The following PHF20 variants were observed in gnomAD, a reference collection of about 807,000 sequenced individuals.
PHF20 encodes the protein glioma-expressed antigen 2.
PHF20 carries 23 observed loss-of-function variants against 113.5 expected under a neutral mutation model. The observed-to-expected ratio is 0.20, with a 90% CI of 0.15 to 0.29. PHF20 has a LOEUF of 0.29. PHF20 is among the 10% of genes least tolerant of loss of function. The pLI is 1.00. For missense variants in PHF20, 943 were observed against 1,219.6 expected, an observed-to-expected ratio of 0.77 and a Z score of 3.38; for synonymous variants, 434 against 457.3, an observed-to-expected ratio of 0.95 and a Z score of 0.65.
chr20:35,934,717 A>T (rs1378381115), intron 15 of PHF20, among the ~76,000 whole-genome samples: 2 of 142,432 alleles, frequency 1.4e-5, no homozygotes, highest in Non-Finnish European at 3.0e-5. Flanking sequence ...GGCCCTGCTT[A>T]TACTTAGAAG....
intron 6 of PHF20, among the ~76,000 whole-genome samples, chr20:35,864,516 A>G (rs935602840): frequency 6.6e-6 from 1 of 152,172 alleles, no homozygotes; most frequent in Non-Finnish European, 1.5e-5. Context: ...AACGATGTAG[A>G]GAATGCAAAG....
At chr20:35,786,441 T>C (rs1056080996) in intron 1 of PHF20, among the ~76,000 whole-genome samples, 6 of 148,862 alleles carry the variant, frequency 4.0e-5, no homozygotes, top group African/African-American at 1.5e-4. Context: ...CAGTGGCTCA[T>C]GCCTGTCATC....
At chr20:35,830,898 C>T (rs898375396) in intron 2 of PHF20, among the ~76,000 whole-genome samples, 1 of 152,164 alleles carries the variant, frequency 6.6e-6, no homozygotes, top group Non-Finnish European at 1.5e-5. Context: ...TGTCCTGCTG[C>T]AGTGCTTTTT....
chr20:35,776,190 C>T (rs1336878174), intron 1 of PHF20, among the ~76,000 whole-genome samples: 1 of 152,182 alleles, frequency 6.6e-6, no homozygotes, highest in Non-Finnish European at 1.5e-5. Context: ...ATAAATACTG[C>T]ATAGCCAGCT....
At chr20:35,787,716 C>T (rs554544291) in intron 1 of PHF20, among the ~76,000 whole-genome samples, 5 of 150,134 alleles carry the variant, frequency 3.3e-5, no homozygotes, top group Admixed American at 1.3e-4. Context: ...CGCTCTGTGC[C>T]CACCTCTGCC....
chr20:35,834,151 G>A (rs1437195263), intron 2 of PHF20, among the ~76,000 whole-genome samples: 1 of 151,876 alleles, frequency 6.6e-6, no homozygotes, highest in African/African-American at 2.4e-5. Context: ...AACCCAGACT[G>A]TCCAGCCTGG....
chr20:35,867,860 TTC>T (rs112894341), intron 6 of PHF20, among the ~76,000 whole-genome samples: 11,545 of 152,028 alleles, frequency 0.076, 678 homozygotes, highest in South Asian at 0.2. Context: ...CTCCTTCCTC[TTC>T]TCTCTCCTCC....
At chr20:35,820,610 G>A (rs369137343) in intron 2 of PHF20, among the ~76,000 whole-genome samples, 3 of 151,738 alleles carry the variant, frequency 2.0e-5, no homozygotes, top group African/African-American at 7.3e-5. Flanking sequence ...CACCATGCCC[G>A]GCTAATTTTT....
intron 2 of PHF20, among the ~76,000 whole-genome samples, chr20:35,815,516 G>C (rs1218268616): frequency 6.6e-6 from 1 of 152,044 alleles, no homozygotes; most frequent in Non-Finnish European, 1.5e-5. Context: ...CCAGGCTGGA[G>C]TGTAGCGCGA....
Position 35,833,752 on chromosome 20 carries a change from T to C in PHF20, c.84-8821T>C, listed in dbSNP as rs935686935. ...AAAAAGTTTAATGTGGGCTTTAGAA[T>C]GAAGGGTTAAAAAAAATAAAAAATA... On this transcript the variant is annotated intron_variant, in intron 2 of 17. Coordinates refer to ENST00000374012, the MANE Select transcript of PHF20 (RefSeq NM_016436.5). 7.3e-4 allele frequency among the ~76,000 whole-genome samples: 111 copies of C among 151,904 alleles called. 1 individual carries two copies. Among genetic ancestry groups the C allele is most frequent in the African/African-American group, 2.6e-3 (107 of 41,370 alleles).
Position 35,949,074 on chromosome 20 carries a change from A to G in PHF20, c.*1447A>G, listed in dbSNP as rs2056133914. The stretch of plus-strand genomic sequence containing the variant: ...ATCTATTTCAGGGAATGTTCTGTCT[A>G]GTGATTTGCTCACCATTTGATATAT... On this transcript the variant is annotated 3_prime_UTR_variant, in exon 18 of 18. Transcript: ENST00000374012. 6.6e-6 allele frequency: 1 copy of G among 152,646 alleles called. No individual in the cohort carries two copies. Among genetic ancestry groups the G allele is most frequent in the Non-Finnish European group, 1.5e-5 (1 of 68,038 alleles). The allele number at this position is 152,646 out of a possible 1,614,324, so 9.5% of individuals were successfully genotyped here. A position where few individuals can be genotyped will look rare whatever the true frequency, so the allele number is the denominator to read the frequency against.
At chr20:35,930,875 G>T (rs1412009099) in intron 14 of PHF20, among the ~76,000 whole-genome samples, 4 of 152,168 alleles carry the variant, frequency 2.6e-5, no homozygotes, top group African/African-American at 7.2e-5. Context: ...GGTCCTGTGG[G>T]CCTCAGTAAG....
Position 35,871,099 on chromosome 20 carries a change from A to C in PHF20, c.1067A>C (p.Gln356Pro). Residue 356 changes from glutamine to proline, a missense_variant, in exon 8 of 18, where the codon CAA becomes CCA. Gln to Pro is a moderately conservative substitution (Grantham distance 76). Transcript: ENST00000374012. ...GATTTGGTTGATACGGATCCTTTGC[A>C]AGACACGTTGTCTAGTACCAAGGAA... ...VSDLVDTDPL[Q>P]DTLSSTKESE... 6.2e-7 allele frequency: 1 copy of C among 1,612,600 alleles called. No individual in the cohort carries two copies. Among genetic ancestry groups the C allele is most frequent in the Non-Finnish European group, 8.5e-7 (1 of 1,179,706 alleles).
At chr20:35,874,902 G>A (rs2054490371) in intron 9 of PHF20, among the ~76,000 whole-genome samples, 1 of 151,906 alleles carries the variant, frequency 6.6e-6, no homozygotes, top group Admixed American at 6.6e-5. Context: ...CTATATTGAA[G>A]GCCTTGCATC....
At chr20:35,834,247 G>GTTTTT (rs769738682) in intron 2 of PHF20, among the ~76,000 whole-genome samples, 4 of 111,102 alleles carry the variant, frequency 3.6e-5, no homozygotes, top group African/African-American at 1.0e-4. Flanking sequence ...TACAGCTATG[G>GTTTTT]TTTTTTTTTT....
Position 35,947,470 on chromosome 20 carries a change from C to T in PHF20, c.2897-15C>T, listed in dbSNP as rs377679736. ...TGGGAGTTCACTAGGTCTCATCTCT[C>T]TCTTCTGCCGACAGTGTTGGAGAGC... On this transcript the variant is annotated splice_polypyrimidine_tract_variant and intron_variant, in intron 17 of 17. Coordinates refer to ENST00000374012, the MANE Select transcript of PHF20 (RefSeq NM_016436.5). 1 of 1,612,802 alleles carries T rather than the reference C, an allele frequency of 6.2e-7. No individual in the cohort carries two copies. Among genetic ancestry groups the T allele is most frequent in the East Asian group, 2.2e-5 (1 of 44,836 alleles).
Position 35,881,557 on chromosome 20 carries a change from G to A in PHF20, c.1282+9728G>A, listed in dbSNP as rs375969871. 7.5e-3 allele frequency among the ~76,000 whole-genome samples: 1,073 copies of A among 142,294 alleles called. 4 individuals carry two copies. Among genetic ancestry groups the A allele is most frequent in the Middle Eastern group, 0.034 (9 of 268 alleles). 93.4% of individuals were successfully genotyped at this position (142,294 alleles called of 152,430 possible). A position where few individuals can be genotyped will look rare whatever the true frequency, so the allele number is the denominator to read the frequency against. ...CTCTGTCTAAAAAAAAAAAAAAAAAGAAAAAGAAAAAAATATTCCATATTT... is the reference window on the plus strand; with the variant it reads ...CTCTGTCTAAAAAAAAAAAAAAAAAAAAAAAGAAAAAAATATTCCATATTT... On this transcript the variant is annotated intron_variant, in intron 9 of 17. Coordinates refer to ENST00000374012, the MANE Select transcript of PHF20 (RefSeq NM_016436.5).
chr20:35,870,951 A>G lies in PHF20; in HGVS notation c.923-4A>G, dbSNP rs772921817. On this transcript the variant is annotated splice_polypyrimidine_tract_variant and splice_region_variant and intron_variant, in intron 7 of 17. Transcript: ENST00000374012. ...TGACTACAACTCTCTTAATGGTTTA[A>G]TAGCCCAGGAAAAGTCAAAAAACTA... 3.2e-6 allele frequency: 5 copies of G among 1,586,688 alleles called. No individual in the cohort carries two copies. The highest frequency in any genetic ancestry group is 2.7e-5 in the African/African-American group (2 of 73,052).
intron 2 of PHF20, among the ~76,000 whole-genome samples, chr20:35,804,229 GTTTTTTTTTTTTTT>G (rs1216930263): frequency 1.0e-5 from 1 of 99,584 alleles, no homozygotes; most frequent in South Asian, 3.8e-4. Flanking sequence ...GCTACTGTAT[GTTTTTTTTTTTTTT>G]TTTTTTTTGA....
Sources: gnomAD v4.1 joint callset for allele counts (sites outside exome capture counted in the v4.1 genomes callset) on GRCh38, gnomAD v4.1.1 for gene constraint, MANE v1.5 for transcripts, NCBI Gene and HGNC (gene_info 2026-07-23, HGNC 2026-07-21) for gene names.